The following SVOPL variants were observed in gnomAD, a reference collection of about 807,000 sequenced individuals.
SVOPL encodes the protein SVOP like.
In SVOPL, 60 loss-of-function variants were observed where a neutral mutation model predicts 61.0. The ratio of observed to expected loss-of-function variants is 0.98; its 90% CI spans 0.80 to 1.22. SVOPL has a LOEUF of 1.22. Among genes scored for constraint, SVOPL ranks in the 50% most tolerant of loss-of-function variants. The probability of loss-of-function intolerance (pLI) is 0.00; values close to 1 mark genes in which losing one functional copy is unlikely to be tolerated. For missense variants in SVOPL, 662 were observed against 643.9 expected (o/e 1.03, Z -0.30); for synonymous variants, 279 against 250.0 (o/e 1.12, Z -1.09).
chr7:138,664,229 C>T (rs1802147313), intron 4 of SVOPL: 1 of 984,952 alleles, frequency 1.0e-6, no homozygotes, highest in Non-Finnish European at 1.2e-6. Flanking sequence ...GTCCTGCCTC[C>T]CTCGCGCGCC....
chr7:138,616,034 C>A (rs1198962505), intron 14 of SVOPL, among the ~76,000 whole-genome samples: 3 of 151,998 alleles, frequency 2.0e-5, no homozygotes, highest in African/African-American at 7.2e-5. Context: ...TCTTTCCCCT[C>A]TTTCTGGATG....
At chr7:138,654,170 CAAAT>C (rs1439905712) in intron 7 of SVOPL, among the ~76,000 whole-genome samples, 2 of 149,138 alleles carry the variant, frequency 1.3e-5, no homozygotes, top group Admixed American at 6.7e-5. Context: ...ATCTTGCACA[CAAAT>C]AAACACTCAG....
intron 1 of SVOPL, chr7:138,689,013 A>G (rs1802880608): frequency 1.5e-6 from 1 of 681,850 alleles, no homozygotes; most frequent in African/African-American, 1.8e-5. Flanking sequence ...AGAGAACTCC[A>G]CAAAATCATG....
intron 3 of SVOPL, 49 bp from the exon 4 acceptor site, chr7:138,672,166 ACTT>A (rs774700647): frequency 3.3e-4 from 502 of 1,505,898 alleles, no homozygotes; most frequent in Non-Finnish European, 4.2e-4. Flanking sequence ...GCTTGTCATC[ACTT>A]CTTCTCATAT....
intron 14 of SVOPL, among the ~76,000 whole-genome samples, chr7:138,604,709 A>G (rs1296319551): frequency 6.6e-6 from 1 of 150,478 alleles, no homozygotes; most frequent in Non-Finnish European, 1.5e-5. Context: ...AAGTTAATAT[A>G]AGAAATAATG....
At chr7:138,678,400 A>G (rs1417790449) in intron 3 of SVOPL, 34 bp downstream of exon 3, 1 of 1,541,036 alleles carries the variant, frequency 6.5e-7, no homozygotes, top group African/African-American at 1.4e-5. Context: ...ACAGAGTTTG[A>G]CACTTTTCGT....
At chr7:138,610,190 A>C (rs1216019939) in intron 14 of SVOPL, among the ~76,000 whole-genome samples, 1 of 152,208 alleles carries the variant, frequency 6.6e-6, no homozygotes, top group East Asian at 1.9e-4. Flanking sequence ...TGTCTACAAC[A>C]TACGAACAAA....
intron 13 of SVOPL, among the ~76,000 whole-genome samples, chr7:138,623,014 T>C (rs1207791452): frequency 6.6e-6 from 1 of 152,228 alleles, no homozygotes; most frequent in Non-Finnish European, 1.5e-5. Context: ...ATAGCCCCCT[T>C]TAGTTGCCCA....
chr7:138,628,354 G>C lies in SVOPL; in HGVS notation c.873C>G (p.Ile291Met), dbSNP rs756127766. The change falls in exon 11 of 16, where the codon ATC becomes ATG. Residue 291 changes from isoleucine to methionine, a missense_variant. By Grantham distance (10) the Ile-to-Met change is conservative. Coordinates refer to ENST00000674285, the MANE Select transcript of SVOPL (RefSeq NM_001139456.2). ...TLQIWVIWLG[I>M]SFAYYGVILA... ...GGATAACCCCATAGTAGGCAAAAGA[G>C]ATTCCAAGCCTGGAAGAGAGAAAAC... 4.3e-6 allele frequency: 7 copies of C among 1,613,926 alleles called. No homozygotes were observed. Among genetic ancestry groups the C allele is most frequent in the Non-Finnish European group, 5.1e-6 (6 of 1,180,042 alleles).
At position 138,622,302 on chromosome 7, in the gene SVOPL, C is replaced by G. The variant is rs1020113635; in HGVS notation, c.1264-1167G>C. ...TCTATCTATCTATCTATCTATCTAT[C>G]TATCTATCTATCGACAGAGTCTCAC... On this transcript the variant is annotated intron_variant, in intron 13 of 15. Transcript: ENST00000674285. 4.4e-4 allele frequency among the ~76,000 whole-genome samples: 57 copies of G among 129,638 alleles called. 1 individual carries two copies. The highest frequency in any genetic ancestry group is 3.6e-3 in the Middle Eastern group (1 of 278). 85.0% of individuals were successfully genotyped at this position (129,638 alleles called of 152,430 possible).
At chr7:138,622,495 G>A (rs1377154129) in intron 13 of SVOPL, among the ~76,000 whole-genome samples, 1 of 151,694 alleles carries the variant, frequency 6.6e-6, no homozygotes, top group Admixed American at 6.6e-5. Context: ...GCGGCGGGCG[G>A]GGGGTCTCTC....
chr7:138,700,335 C>CTTTTTTTTTTTTTTTTTTTTTTTTT (rs776461183), intron 1 of SVOPL, among the ~76,000 whole-genome samples: 1 of 99,768 alleles, frequency 1.0e-5, no homozygotes. Flanking sequence ...TTCCGTATGT[C>CTTTTTTTTTTTTTTTTTTTTTTTTT]TTTTTTTTTT....
At chr7:138,676,564 T>C (rs1802566481) in intron 3 of SVOPL, among the ~76,000 whole-genome samples, 1 of 152,110 alleles carries the variant, frequency 6.6e-6, no homozygotes, top group Admixed American at 6.5e-5. Flanking sequence ...CTTCACACTA[T>C]CTCATTGGCA....
intron 1 of SVOPL, chr7:138,689,480 GA>G: frequency 1.3e-6 from 1 of 762,950 alleles, no homozygotes; most frequent in Non-Finnish European, 2.2e-6. Flanking sequence ...TTGCCCTGAA[GA>G]AAAAGATATC....
At chr7:138,692,717 T>C (rs1412693385) in intron 1 of SVOPL, among the ~76,000 whole-genome samples, 1 of 152,164 alleles carries the variant, frequency 6.6e-6, no homozygotes, top group Non-Finnish European at 1.5e-5. Flanking sequence ...TATGCAACCC[T>C]TGGTCCTAGA....
At chr7:138,602,831 T>C (rs1009716923) in intron 14 of SVOPL, among the ~76,000 whole-genome samples, 1 of 152,008 alleles carries the variant, frequency 6.6e-6, no homozygotes, top group Non-Finnish European at 1.5e-5. Flanking sequence ...TAAAGTAAGG[T>C]AAGAAACCTT....
At chr7:138,661,040 T>C (rs1317295470) in intron 5 of SVOPL, 1 of 984,474 alleles carries the variant, frequency 1.0e-6, no homozygotes, top group Non-Finnish European at 1.2e-6. Context: ...AATGCCTTTT[T>C]GTGCTTTTTT....
At chr7:138,620,410 C>T (rs559801269) in intron 14 of SVOPL, among the ~76,000 whole-genome samples, 4 of 146,718 alleles carry the variant, frequency 2.7e-5, no homozygotes, top group Non-Finnish European at 4.5e-5. Flanking sequence ...CATGAGCTAC[C>T]GCACCCCAGT....
chr7:138,630,102 T>C lies in SVOPL; in HGVS notation c.810A>G (p.Ala270=). ...GTAAATATTTAGCATCCAATAGGTC[T>C]GCAAATCTTCCTCTTTTTTCCTGGG... The part of the protein sequence containing the change: ...EPVLEKRGRF[A]DLLDAKYLRT... Residue 270 remains alanine, a synonymous_variant, in exon 10 of 16, where the codon GCA becomes GCG. Coordinates refer to ENST00000674285, the MANE Select transcript of SVOPL (RefSeq NM_001139456.2). 3 of 1,613,976 alleles carry C rather than the reference T, an allele frequency of 1.9e-6. No individual in the cohort carries two copies. The highest frequency in any genetic ancestry group is 2.5e-6 in the Non-Finnish European group (3 of 1,179,832).
Sources: gnomAD v4.1 joint callset for allele counts (sites outside exome capture counted in the v4.1 genomes callset) on GRCh38, gnomAD v4.1.1 for gene constraint, MANE v1.5 for transcripts, NCBI Gene and HGNC (gene_info 2026-07-23, HGNC 2026-07-21) for gene names.